Variants in PCDH15 observed in about 807,000 individuals in gnomAD.
The protein encoded by PCDH15 is protocadherin-15.
Under a neutral mutation model 178.5 loss-of-function variants are expected in PCDH15, and 129 were observed. The observed-to-expected ratio is 0.72, with a 90% confidence interval of 0.63 to 0.84. The LOEUF is 0.84. Among genes scored for constraint, PCDH15 ranks in the 40% least tolerant of loss-of-function variants. The probability of loss-of-function intolerance (pLI) is 0.00; values close to 1 mark genes in which losing one functional copy is unlikely to be tolerated. For synonymous variants in PCDH15, 800 were observed against 732.0 expected (o/e 1.09, Z -1.50); for missense variants, 2,230 against 2,099.9 (o/e 1.06, Z -1.21).
intron 1 of PCDH15, among the ~76,000 whole-genome samples, chr10:55,309,964 T>G (rs1051496559): frequency 6.6e-6 from 1 of 152,154 alleles, no homozygotes; most frequent in South Asian, 2.1e-4. Flanking sequence ...TCCATTTTTT[T>G]CCCTTTCCTA....
intron 1 of PCDH15, among the ~76,000 whole-genome samples, chr10:55,269,998 C>T (rs1374789854): frequency 1.3e-5 from 2 of 152,250 alleles, no homozygotes; most frequent in Middle Eastern, 6.8e-3. Context: ...ACTATCAGAT[C>T]TTTCACAAGC....
chr10:54,428,143 A>G (rs1352611241), intron 3 of PCDH15, among the ~76,000 whole-genome samples: 2 of 152,204 alleles, frequency 1.3e-5, no homozygotes, highest in Admixed American at 1.3e-4. Context: ...TCAGCAGCTG[A>G]CCATTCACAT....
intron 2 of PCDH15, among the ~76,000 whole-genome samples, chr10:54,917,570 A>G (rs1015767402): frequency 6.6e-6 from 1 of 152,204 alleles, no homozygotes; most frequent in Non-Finnish European, 1.5e-5. Flanking sequence ...TTAAGCCCAT[A>G]TAGAGCATAC....
intron 2 of PCDH15, among the ~76,000 whole-genome samples, chr10:55,554,993 G>T (rs1842064168): frequency 6.6e-6 from 1 of 151,978 alleles, no homozygotes; most frequent in Non-Finnish European, 1.5e-5. Flanking sequence ...GGAAAGTCTA[G>T]AAAAGTTAAT....
rs575547228 is a variant in PCDH15 at position 54,561,980 on chromosome 10, C to CTTTTTTTT, written c.92-34111_92-34104dup. ...TACAGGCATGAGCCACCGCACCCAG[C>CTTTTTTTT]TTTTTTTTTTTTTTTTTTTTTTTTT... On this transcript the variant is annotated intron_variant, in intron 2 of 37. Transcript: ENST00000644397. Among the ~76,000 whole-genome samples the CTTTTTTTT allele has an allele frequency of 1.5e-3, 115 of 75,234 alleles. 10 individuals carry two copies. Among genetic ancestry groups the CTTTTTTTT allele is most frequent in the East Asian group, 2.8e-3 (7 of 2,468 alleles). The allele number at this position is 75,234 out of a possible 152,430, so 49.4% of individuals were successfully genotyped here. A position where few individuals can be genotyped will look rare whatever the true frequency, so the allele number is the denominator to read the frequency against.
chr10:54,348,274 A>G (rs1318264933), intron 5 of PCDH15, among the ~76,000 whole-genome samples: 2 of 152,336 alleles, frequency 1.3e-5, no homozygotes, highest in East Asian at 1.9e-4. Flanking sequence ...AAAATAAACC[A>G]TAAGTACAAG....
intron 2 of PCDH15, among the ~76,000 whole-genome samples, chr10:55,503,417 T>C (rs1840697376): frequency 6.7e-6 from 1 of 148,886 alleles, no homozygotes; most frequent in Admixed American, 6.7e-5. Context: ...TTAATTAAAA[T>C]ATATTTAAAT....
chr10:54,224,467 C>G (rs967002959), intron 9 of PCDH15, among the ~76,000 whole-genome samples: 1 of 152,116 alleles, frequency 6.6e-6, no homozygotes, highest in Non-Finnish European at 1.5e-5. Context: ...TTTAGCAAAG[C>G]TTAATTCATC....
intron 2 of PCDH15, among the ~76,000 whole-genome samples, chr10:55,552,430 GT>G (rs555398021): frequency 1.1e-3 from 172 of 151,470 alleles, no homozygotes; most frequent in African/African-American, 4.0e-3. Flanking sequence ...TTTCTTGTGG[GT>G]TAATACTAAA....
At chr10:54,743,409 C>T (rs963890148) in intron 1 of PCDH15, among the ~76,000 whole-genome samples, 1 of 151,958 alleles carries the variant, frequency 6.6e-6, no homozygotes, top group African/African-American at 2.4e-5. Context: ...AACTATATGA[C>T]TCCTTCATTG....
chr10:54,778,053 T>C (rs1489618009), intron 1 of PCDH15, among the ~76,000 whole-genome samples: 21 of 152,200 alleles, frequency 1.4e-4, no homozygotes, highest in African/African-American at 2.4e-5. Context: ...CAAGACATTA[T>C]GAAACAAGGA....
At chr10:54,427,273 T>TC (rs1956391497) in intron 3 of PCDH15, among the ~76,000 whole-genome samples, 1 of 126,928 alleles carries the variant, frequency 7.9e-6, no homozygotes, top group Non-Finnish European at 1.6e-5. Flanking sequence ...TTTCTGGTTT[T>TC]TTTTTTTTTT....
chr10:53,989,861 A>C (rs149696020), intron 21 of PCDH15, among the ~76,000 whole-genome samples: 18 of 152,312 alleles, frequency 1.2e-4, no homozygotes, highest in African/African-American at 4.1e-4. Context: ...ATCAGTAGTG[A>C]TATCAATTGA....
intron 2 of PCDH15, among the ~76,000 whole-genome samples, chr10:55,325,177 T>C (rs1225374343): frequency 6.6e-6 from 1 of 152,162 alleles, no homozygotes; most frequent in Non-Finnish European, 1.5e-5. Flanking sequence ...ATGCCATTCC[T>C]ATCAAACTAA....
chr10:55,083,001 T>C (rs1842080844), intron 2 of PCDH15, among the ~76,000 whole-genome samples: 1 of 151,972 alleles, frequency 6.6e-6, no homozygotes, highest in Non-Finnish European at 1.5e-5. Context: ...CTACTCAAAC[T>C]ATTCCTAAAA....
At chr10:54,220,825 A>AAAATAAATAAAT (rs10595887) in intron 9 of PCDH15, among the ~76,000 whole-genome samples, 149 of 143,146 alleles carry the variant, frequency 1.0e-3, no homozygotes, top group East Asian at 4.8e-3. Context: ...ACTCCGTCTC[A>AAAATAAATAAAT]AAATAAATAA....
At chr10:55,623,190 C>T (rs1281434376) in intron 2 of PCDH15, among the ~76,000 whole-genome samples, 1 of 152,010 alleles carries the variant, frequency 6.6e-6, no homozygotes, top group Non-Finnish European at 1.5e-5. Flanking sequence ...TATTTGTACC[C>T]GAAGACTTTG....
At chr10:54,597,304 C>T (rs373894691) in intron 2 of PCDH15, among the ~76,000 whole-genome samples, 5 of 152,056 alleles carry the variant, frequency 3.3e-5, no homozygotes, top group East Asian at 3.9e-4. Flanking sequence ...TCAGTCAAAA[C>T]CATACAATCA....
At chr10:55,281,088 A>T (rs1275080948) in intron 1 of PCDH15, among the ~76,000 whole-genome samples, 4 of 152,236 alleles carry the variant, frequency 2.6e-5, no homozygotes, top group Non-Finnish European at 5.9e-5. Context: ...CTATGCAGCC[A>T]ATAAATGTGT....
Sources: gnomAD v4.1 joint callset for allele counts (sites outside exome capture counted in the v4.1 genomes callset) on GRCh38, gnomAD v4.1.1 for gene constraint, MANE v1.5 for transcripts, NCBI Gene and HGNC (gene_info 2026-07-23, HGNC 2026-07-21) for gene names.